Variants in ESRRB observed in about 807,000 individuals in gnomAD.
The protein encoded by ESRRB is steroid hormone receptor ERR2.
ESRRB carries 16 observed loss-of-function variants against 46.0 expected under a neutral mutation model. That is an observed-to-expected ratio of 0.35 (90% CI 0.24 to 0.53). The LOEUF (loss-of-function observed/expected upper bound fraction) is 0.53. Among genes scored for constraint, ESRRB ranks in the 20% least tolerant of loss-of-function variants. The pLI, the probability that ESRRB is intolerant of heterozygous loss-of-function variation, is 0.93. For synonymous variants in ESRRB, 246 were observed against 259.6 expected (o/e 0.95, Z 0.50); for missense variants, 488 against 607.4 (o/e 0.80, Z 2.07).
chr14:76,393,362 C>T (rs1168099448), intron 1 of ESRRB, among the ~76,000 whole-genome samples: 2 of 152,198 alleles, frequency 1.3e-5, no homozygotes, highest in East Asian at 1.9e-4. Context: ...CCTCTCCATG[C>T]CCTGCAGCCT....
At chr14:76,410,538 A>G (rs1379585202) in intron 1 of ESRRB, among the ~76,000 whole-genome samples, 1 of 152,170 alleles carries the variant, frequency 6.6e-6, no homozygotes, top group African/African-American at 2.4e-5. Context: ...AAACCTGCAG[A>G]GGAAACTTGG....
chr14:76,417,181 G>A (rs961598580), intron 1 of ESRRB, among the ~76,000 whole-genome samples: 1 of 152,136 alleles, frequency 6.6e-6, no homozygotes, highest in African/African-American at 2.4e-5. Flanking sequence ...AGTATCGATA[G>A]GGGTCAGGGT....
At chr14:76,372,386 A>G (rs1884645893), upstream of ESRRB, among the ~76,000 whole-genome samples, 1 of 48 alleles carries the variant, frequency 0.021, no homozygotes, top group South Asian at 0.25. Context: ...TTTCCCTCCC[A>G]GGAAACCCAC....
chr14:76,437,177 C>T (rs117636152), intron 1 of ESRRB, among the ~76,000 whole-genome samples: 1,580 of 152,110 alleles, frequency 0.01, 15 homozygotes, highest in Non-Finnish European at 0.015. Flanking sequence ...GACTACAGGC[C>T]GGCGCCACCA....
intron 1 of ESRRB, among the ~76,000 whole-genome samples, chr14:76,353,406 A>G (rs1047972783): frequency 2.0e-5 from 3 of 152,186 alleles, no homozygotes; most frequent in African/African-American, 7.2e-5. Flanking sequence ...TGGGTTCGCC[A>G]GCCATTACCA....
At chr14:76,412,518 G>A (rs1368574062) in intron 1 of ESRRB, among the ~76,000 whole-genome samples, 1 of 152,068 alleles carries the variant, frequency 6.6e-6, no homozygotes. Flanking sequence ...CCTCCACTGG[G>A]CTGTCGACCT....
At chr14:76,317,600 A>T (rs1318683183) in intron 1 of ESRRB, among the ~76,000 whole-genome samples, 1 of 152,116 alleles carries the variant, frequency 6.6e-6, no homozygotes, top group Non-Finnish European at 1.5e-5. Context: ...AAAAAGTTAA[A>T]AAATAAAGTC....
intron 5 of ESRRB, among the ~76,000 whole-genome samples, chr14:76,485,771 G>A (rs1176403446): frequency 6.6e-6 from 1 of 152,176 alleles, no homozygotes; most frequent in Non-Finnish European, 1.5e-5. Context: ...GACAGAAAGA[G>A]GGGGACTGGC....
At chr14:76,354,561 T>G (rs922273704) in intron 1 of ESRRB, among the ~76,000 whole-genome samples, 2 of 151,684 alleles carry the variant, frequency 1.3e-5, no homozygotes, top group African/African-American at 4.8e-5. Flanking sequence ...TGGGAGACAC[T>G]CTTACCACAG....
At chr14:76,325,960 T>A (rs1368523056) in intron 1 of ESRRB, among the ~76,000 whole-genome samples, 1 of 152,172 alleles carries the variant, frequency 6.6e-6, no homozygotes, top group Non-Finnish European at 1.5e-5. Flanking sequence ...CCCCCAGCCC[T>A]ATGCCACATC....
chr14:76,487,769 A>G (rs1044810437), intron 5 of ESRRB, among the ~76,000 whole-genome samples: 4 of 151,942 alleles, frequency 2.6e-5, no homozygotes, highest in Non-Finnish European at 5.9e-5. Flanking sequence ...ATGTCCGGCT[A>G]ATTTTTAAAT....
intron 2 of ESRRB, among the ~76,000 whole-genome samples, chr14:76,444,093 GCT>G (rs1353505992): frequency 6.6e-6 from 1 of 151,302 alleles, no homozygotes; most frequent in Admixed American, 6.6e-5. Context: ...ACAGAGTCTC[GCT>G]CTGTTGCCCA....
intron 1 of ESRRB, among the ~76,000 whole-genome samples, chr14:76,402,337 C>T (rs576760886): frequency 2.6e-5 from 4 of 152,316 alleles, no homozygotes; most frequent in African/African-American, 9.6e-5. Context: ...GCCCTGTCTT[C>T]GGCCTTCCAG....
At position 76,439,548 on chromosome 14, in the gene ESRRB, C is replaced by G; in HGVS notation, c.258C>G (p.Ala86=). ...GLDSPPMFAG[A]GLGGTPCRKS... ...ACTCGCCACCCATGTTTGCAGGCGC[C>G]GGGCTGGGAGGCACCCCATGCCGCA... Residue 86 remains alanine, a synonymous_variant, in exon 2 of 7, where the codon GCC becomes GCG. Transcript: ENST00000644823. 6.2e-7 allele frequency: 1 copy of G among 1,613,872 alleles called. No homozygotes were observed. The highest frequency in any genetic ancestry group is 8.5e-7 in the Non-Finnish European group (1 of 1,179,992).
At chr14:76,356,915 A>G (rs913101175) in intron 1 of ESRRB, among the ~76,000 whole-genome samples, 1 of 152,170 alleles carries the variant, frequency 6.6e-6, no homozygotes, top group African/African-American at 2.4e-5. Flanking sequence ...GAGGAGGGAA[A>G]GGGGCCTTGT....
At chr14:76,381,985 A>T (rs778526759) in intron 1 of ESRRB, among the ~76,000 whole-genome samples, 2 of 152,164 alleles carry the variant, frequency 1.3e-5, no homozygotes, top group African/African-American at 4.8e-5. Context: ...GATCAGGATT[A>T]ATATCATCAA....
In ESRRB at chr14:76,353,949, G is replaced by A. The variant is rs573978785; in HGVS notation, c.2+43033G>A. Among the ~76,000 whole-genome samples the A allele has an allele frequency of 1.2e-4, 18 of 152,212 alleles. 1 individual carries two copies. The South Asian group carries it at 3.5e-3, about 30-fold the overall frequency. On this transcript the variant is annotated intron_variant, in intron 1 of 6. Transcript: ENST00000512784. ...GGAACTCCAGCCTGGGCAACAGAGC[G>A]AGACCCTGTCTCAAAATAAAAATAA...
chr14:76,382,435 AG>A (rs1207921330), intron 1 of ESRRB, among the ~76,000 whole-genome samples: 1 of 152,110 alleles, frequency 6.6e-6, no homozygotes, highest in Non-Finnish European at 1.5e-5. Flanking sequence ...TGGCCTGGGT[AG>A]GGGTGGGGCA....
At chr14:76,420,863 C>G (rs565519242) in intron 1 of ESRRB, among the ~76,000 whole-genome samples, 7 of 152,144 alleles carry the variant, frequency 4.6e-5, no homozygotes, top group Admixed American at 2.6e-4. Flanking sequence ...TCACACACCC[C>G]ACCTGTGCAC....
Sources: gnomAD v4.1 joint callset for allele counts (sites outside exome capture counted in the v4.1 genomes callset) on GRCh38, gnomAD v4.1.1 for gene constraint, MANE v1.5 for transcripts, NCBI Gene and HGNC (gene_info 2026-07-23, HGNC 2026-07-21) for gene names.